RRP15: variants seen among roughly 807,000 people sequenced by gnomAD.
The protein encoded by RRP15 is ribosomal RNA processing 15 homolog.
RRP15 carries 18 observed loss-of-function variants against 27.1 expected under a neutral mutation model. The ratio of observed to expected loss-of-function variants is 0.66; its 90% CI spans 0.46 to 0.98. RRP15 has a LOEUF of 0.98. RRP15 is among the 50% of genes least tolerant of loss of function. The probability of loss-of-function intolerance (pLI) is 0.00; values close to 1 mark genes in which losing one functional copy is unlikely to be tolerated. For missense variants in RRP15, 359 were observed against 337.8 expected (o/e 1.06, Z -0.49); for synonymous variants, 107 against 109.4 (o/e 0.98, Z 0.14).
chr1:218,285,341 CGT>C lies in RRP15; in HGVS notation c.29_30del (p.Val10GlufsTer2), dbSNP rs1558198747. On this transcript the variant is annotated frameshift_variant, in exon 1 of 5. Transcript: ENST00000366932. LOFTEE classifies it high-confidence loss of function. Reference protein sequence around the residue: MAAAAPDSRVSEEENLKKT... With the variant: MAAAAPDSXVSEEENLKKT... ...AATGGCAGCCGCCGCTCCGGACTCA[CGT>C]GTGAGTGAGGAAGAAAACCTGAAAA... 6 of 1,613,920 alleles carry C rather than the reference CGT, an allele frequency of 3.7e-6. No individual in the cohort carries two copies. The highest frequency in any genetic ancestry group is 2.7e-5 in the African/African-American group (2 of 74,890).
chr1:218,296,583 G>T (rs140260541), intron 1 of RRP15, among the ~76,000 whole-genome samples: 128 of 151,802 alleles, frequency 8.4e-4, no homozygotes, highest in African/African-American at 2.9e-3. Flanking sequence ...GAGATAGGCT[G>T]CAGTGAGCTA....
At chr1:218,320,806 A>G (rs1442344471) in intron 4 of RRP15, among the ~76,000 whole-genome samples, 1 of 152,204 alleles carries the variant, frequency 6.6e-6, no homozygotes, top group East Asian at 1.9e-4. Flanking sequence ...TATGTTTTTA[A>G]CTACAATTGC....
At chr1:218,303,600 A>G (rs1434432072) in intron 2 of RRP15, among the ~76,000 whole-genome samples, 1 of 152,230 alleles carries the variant, frequency 6.6e-6, no homozygotes, top group Admixed American at 6.5e-5. Flanking sequence ...AGAGGCTTCA[A>G]AAATATCAGA....
intron 1 of RRP15, among the ~76,000 whole-genome samples, chr1:218,300,096 A>G (rs1655787191): frequency 6.6e-6 from 1 of 152,164 alleles, no homozygotes; most frequent in African/African-American, 2.4e-5. Flanking sequence ...GACCCAGCGT[A>G]TAAGATACAG....
At chr1:218,323,499 G>A (rs1656220771) in intron 4 of RRP15, among the ~76,000 whole-genome samples, 1 of 152,164 alleles carries the variant, frequency 6.6e-6, no homozygotes, top group Admixed American at 6.5e-5. Context: ...CCGTGGATGG[G>A]CCCAGAAAAA....
At chr1:218,316,542 A>G (rs569282915) in intron 4 of RRP15, among the ~76,000 whole-genome samples, 39 of 152,288 alleles carry the variant, frequency 2.6e-4, no homozygotes, top group African/African-American at 8.4e-4. Context: ...TATATAACAC[A>G]TAGTACTAAA....
chr1:218,337,680 C>T lies in RRP15; in HGVS notation c.*6589C>T, dbSNP rs1472785184. The T allele has an allele frequency of 6.6e-6, 1 of 151,808 alleles. No homozygotes were observed. The highest frequency in any genetic ancestry group is 1.5e-5 in the Non-Finnish European group (1 of 67,956). The allele number at this position is 151,808 out of a possible 1,614,324, so 9.4% of individuals were successfully genotyped here. ...ATTTTTGACAGTCTGAAAAGACAGG[C>T]CTTATATTTATATTGAGAAAAATGA... On this transcript the variant is annotated 3_prime_UTR_variant, in exon 5 of 5. Coordinates refer to ENST00000366932, the MANE Select transcript of RRP15 (RefSeq NM_016052.4).
At position 218,336,332 on chromosome 1, in the gene RRP15, C is replaced by T. The variant is rs1194188295; in HGVS notation, c.*5241C>T. ...CCAATTTAAAATGATGAGGTGTTAA[C>T]CACATTTGTATAAATAATAGTTTCT... On this transcript the variant is annotated 3_prime_UTR_variant, in exon 5 of 5. Transcript: ENST00000366932. 6.6e-6 allele frequency: 1 copy of T among 152,528 alleles called. No individual in the cohort carries two copies. The highest frequency in any genetic ancestry group is 1.5e-5 in the Non-Finnish European group (1 of 68,022). 9.4% of individuals were successfully genotyped at this position (152,528 alleles called of 1,614,324 possible).
In RRP15 at chr1:218,336,980, T is replaced by G. The variant is rs1005599766; in HGVS notation, c.*5889T>G. Reference sequence around the variant, plus strand: ...GTTGTTAGATGAGAGACAGCATAATTTTGGAATCACAACTGAGTTCAGAGT... The same window carrying G: ...GTTGTTAGATGAGAGACAGCATAATGTTGGAATCACAACTGAGTTCAGAGT... On this transcript the variant is annotated 3_prime_UTR_variant, in exon 5 of 5. Coordinates refer to ENST00000366932, the MANE Select transcript of RRP15 (RefSeq NM_016052.4). 6.6e-6 allele frequency: 1 copy of G among 152,204 alleles called. No homozygotes were observed. The highest frequency in any genetic ancestry group is 1.5e-5 in the Non-Finnish European group (1 of 68,032). The allele number at this position is 152,204 out of a possible 1,614,324, so 9.4% of individuals were successfully genotyped here.
In RRP15 at chr1:218,285,334, G is replaced by A. The variant is rs375426685; in HGVS notation, c.18G>A (p.Pro6=). Residue 6 remains proline, a synonymous_variant, in exon 1 of 5, where the codon CCG becomes CCA. Coordinates refer to ENST00000366932, the MANE Select transcript of RRP15 (RefSeq NM_016052.4). ...GCAGAAAAATGGCAGCCGCCGCTCCGGACTCACGTGTGAGTGAGGAAGAAA... is the reference window on the plus strand; with the variant it reads ...GCAGAAAAATGGCAGCCGCCGCTCCAGACTCACGTGTGAGTGAGGAAGAAA... MAAAA[P]DSRVSEEENL... 1.2e-6 allele frequency: 2 copies of A among 1,614,042 alleles called. No individual in the cohort carries two copies. The highest frequency in any genetic ancestry group is 2.7e-5 in the African/African-American group (2 of 75,006).
Position 218,285,403 on chromosome 1 carries a change from A to G in RRP15, c.87A>G (p.Gly29=). ...AGAAGAAGATGAAAATGGTAACTGG[A>G]GCCGTAGCGTCGGTGCTGGAAGACG... ...TPKKKMKMVT[G]AVASVLEDEA... Residue 29 remains glycine, a synonymous_variant, in exon 1 of 5, where the codon GGA becomes GGG. Coordinates refer to ENST00000366932, the MANE Select transcript of RRP15 (RefSeq NM_016052.4). 1.2e-6 allele frequency: 2 copies of G among 1,614,172 alleles called. No homozygotes were observed. The highest frequency in any genetic ancestry group is 1.7e-6 in the Non-Finnish European group (2 of 1,180,032).
intron 1 of RRP15, among the ~76,000 whole-genome samples, chr1:218,299,195 T>G (rs1331892545): frequency 6.6e-6 from 1 of 152,204 alleles, no homozygotes; most frequent in African/African-American, 2.4e-5. Context: ...ATTTTTAATT[T>G]GTTCATATTA....
At chr1:218,330,690 A>T (rs190109757) in intron 4 of RRP15, among the ~76,000 whole-genome samples, 3 of 152,184 alleles carry the variant, frequency 2.0e-5, no homozygotes, top group East Asian at 1.9e-4. Context: ...CTTCAAAAAA[A>T]TTTTTTTATT....
chr1:218,313,972 T>TTTTTATTTTATTTTATTTTATTTTA (rs66715330), intron 4 of RRP15, among the ~76,000 whole-genome samples: 14 of 147,280 alleles, frequency 9.5e-5, no homozygotes, highest in African/African-American at 2.8e-4. Flanking sequence ...CCCCGAGTGA[T>TTTTTATTTTATTTTATTTTATTTTA]TTTTATTTTA....
At chr1:218,302,623 A>T (rs915994028) in intron 2 of RRP15, 64 bp downstream of exon 2, 2 of 1,551,964 alleles carry the variant, frequency 1.3e-6, no homozygotes, top group Non-Finnish European at 1.7e-6. Flanking sequence ...ATCTTGACCG[A>T]ACTGTTTCTT....
chr1:218,286,916 A>G (rs1026255276), intron 1 of RRP15, among the ~76,000 whole-genome samples: 4 of 151,042 alleles, frequency 2.6e-5, no homozygotes, highest in African/African-American at 7.4e-5. Flanking sequence ...TATATTTGCT[A>G]TATTTGGAGC....
chr1:218,313,101 TA>T (rs1382884465), intron 4 of RRP15, among the ~76,000 whole-genome samples: 1 of 152,192 alleles, frequency 6.6e-6, no homozygotes, highest in East Asian at 1.9e-4. Context: ...ACTAAGGAGG[TA>T]CATGTAGAGG....
At chr1:218,296,514 T>G (rs1051356780) in intron 1 of RRP15, among the ~76,000 whole-genome samples, 1 of 151,804 alleles carries the variant, frequency 6.6e-6, no homozygotes, top group Non-Finnish European at 1.5e-5. Flanking sequence ...AGCGTGGTGG[T>G]GTGTGCCTAT....
At chr1:218,319,615 G>A (rs951443095) in intron 4 of RRP15, among the ~76,000 whole-genome samples, 3 of 152,090 alleles carry the variant, frequency 2.0e-5, no homozygotes, top group African/African-American at 7.2e-5. Flanking sequence ...CTCCAAAGGG[G>A]TCTGATGGGA....
Sources: gnomAD v4.1 joint callset for allele counts (sites outside exome capture counted in the v4.1 genomes callset) on GRCh38, gnomAD v4.1.1 for gene constraint, MANE v1.5 for transcripts, NCBI Gene and HGNC (gene_info 2026-07-23, HGNC 2026-07-21) for gene names.